Variants in RBFOX1 observed in about 807,000 individuals in gnomAD.
RBFOX1 encodes RNA binding protein fox-1 homolog 1.
RBFOX1 carries 8 observed loss-of-function variants against 57.7 expected under a neutral mutation model. The observed-to-expected ratio is 0.14, with a 90% CI of 0.08 to 0.25. RBFOX1 has a LOEUF of 0.25. Among genes scored for constraint, RBFOX1 ranks in the 10% least tolerant of loss-of-function variants. The pLI, the probability that RBFOX1 is intolerant of heterozygous loss-of-function variation, is 1.00. For missense variants in RBFOX1, 611 were observed against 548.5 expected, an observed-to-expected ratio of 1.11 and a Z score of -1.14; for synonymous variants, 326 against 222.4, an observed-to-expected ratio of 1.47 and a Z score of -4.15.
chr16:5,896,617 C>A (rs1229039907), intron 4 of RBFOX1, among the ~76,000 whole-genome samples: 1 of 152,146 alleles, frequency 6.6e-6, no homozygotes, highest in Non-Finnish European at 1.5e-5. Context: ...TATACATTAC[C>A]CAGCCTCAGG....
intron 4 of RBFOX1, among the ~76,000 whole-genome samples, chr16:7,120,830 T>TATACACACACACACACACACAC (rs1226442313): frequency 3.6e-4 from 31 of 86,594 alleles, no homozygotes; most frequent in East Asian, 1.6e-3. Context: ...TATGTATATA[T>TATACACACACACACACACACAC]ACACACACAC....
chr16:6,401,541 A>T (rs1397655691), intron 2 of RBFOX1, among the ~76,000 whole-genome samples: 1 of 152,140 alleles, frequency 6.6e-6, no homozygotes, highest in African/African-American at 2.4e-5. Flanking sequence ...ACTTTGGATC[A>T]TTAGGGGACA....
rs570781798 is a variant in RBFOX1 at position 7,036,816 on chromosome 16, G to T, written c.-15-15241G>T. ...TTAAGAAAGTAGGGGAATAAGAATG[G>T]CTAGTTCATAGACAGAGTGGATGAA... On this transcript the variant is annotated intron_variant, in intron 3 of 15. Transcript: ENST00000550418. Among the ~76,000 whole-genome samples the T allele has an allele frequency of 2.7e-4, 41 of 152,272 alleles. No individual in the cohort carries two copies. The South Asian group carries it at 4.8e-3, about 18-fold the overall frequency.
chr16:6,210,378 AGAG>A (rs1465395352), intron 1 of RBFOX1, among the ~76,000 whole-genome samples: 3,061 of 77,618 alleles, frequency 0.039, 77 homozygotes, highest in Non-Finnish European at 0.074. Flanking sequence ...AAAAAAAAAA[AGAG>A]AAAGGAAGGA....
intron 3 of RBFOX1, among the ~76,000 whole-genome samples, chr16:6,923,389 C>G (rs1001991042): frequency 6.6e-6 from 1 of 152,030 alleles, no homozygotes; most frequent in African/African-American, 2.4e-5. Flanking sequence ...CACAAATTAG[C>G]AGGCATGGTG....
At chr16:6,857,874 T>G (rs1326858845) in intron 3 of RBFOX1, among the ~76,000 whole-genome samples, 2 of 152,230 alleles carry the variant, frequency 1.3e-5, no homozygotes, top group Non-Finnish European at 2.9e-5. Context: ...TTTAGCAACC[T>G]GTCAAATCCT....
chr16:5,972,624 A>C (rs2059985764), intron 4 of RBFOX1, among the ~76,000 whole-genome samples: 1 of 152,222 alleles, frequency 6.6e-6, no homozygotes, highest in African/African-American at 2.4e-5. Context: ...CAATCAGGGA[A>C]GGTTCAGGCA....
chr16:7,001,423 TGTATATGTATA>T (rs2092791864), intron 3 of RBFOX1, among the ~76,000 whole-genome samples: 1 of 150,572 alleles, frequency 6.6e-6, no homozygotes, highest in Non-Finnish European at 1.5e-5. Flanking sequence ...TATATGTATA[TGTATATGTATA>T]TGTATATGTA....
At chr16:6,765,673 A>G (rs972670772) in intron 3 of RBFOX1, among the ~76,000 whole-genome samples, 33 of 152,336 alleles carry the variant, frequency 2.2e-4, no homozygotes, top group African/African-American at 7.9e-4. Flanking sequence ...CAGAGGAAAG[A>G]TGCCTGCTTG....
At chr16:5,395,099 G>A (rs1231427077) in intron 1 of RBFOX1, among the ~76,000 whole-genome samples, 1 of 152,168 alleles carries the variant, frequency 6.6e-6, no homozygotes, top group East Asian at 1.9e-4. Context: ...TGCCAAGCAT[G>A]GTTCGTTTTC....
At chr16:7,089,597 G>T (rs1320740798) in intron 4 of RBFOX1, among the ~76,000 whole-genome samples, 2 of 152,142 alleles carry the variant, frequency 1.3e-5, no homozygotes, top group South Asian at 2.1e-4. Context: ...GAGTTGTTAA[G>T]TAGTGTCTGT....
downstream of RBFOX1, among the ~76,000 whole-genome samples, chr16:5,604,087 A>G (rs1243935580): frequency 1.3e-5 from 2 of 152,204 alleles, no homozygotes; most frequent in African/African-American, 2.4e-5. Flanking sequence ...TCTATAGCCA[A>G]GGCAGTAAGC....
At chr16:7,464,169 C>G (rs921598384) in intron 4 of RBFOX1, among the ~76,000 whole-genome samples, 1 of 152,118 alleles carries the variant, frequency 6.6e-6, no homozygotes, top group African/African-American at 2.4e-5. Flanking sequence ...ACATTATTCA[C>G]CCATTACAGA....
At chr16:7,591,731 G>A (rs988698249) in intron 7 of RBFOX1, among the ~76,000 whole-genome samples, 1 of 152,150 alleles carries the variant, frequency 6.6e-6, no homozygotes, top group East Asian at 1.9e-4. Context: ...TTACACATCA[G>A]CATCACACCC....
At chr16:6,034,521 A>G (rs1428389022) in intron 1 of RBFOX1, among the ~76,000 whole-genome samples, 1 of 151,962 alleles carries the variant, frequency 6.6e-6, no homozygotes, top group Non-Finnish European at 1.5e-5. Context: ...GGTGGAAGGT[A>G]GAAGTGCTGA....
intron 3 of RBFOX1, among the ~76,000 whole-genome samples, chr16:6,981,809 A>T (rs2088960286): frequency 6.6e-6 from 1 of 152,204 alleles, no homozygotes; most frequent in African/African-American, 2.4e-5. Flanking sequence ...CTACCAGTCA[A>T]GATGAGATTG....
chr16:6,940,189 C>T (rs1282095011), intron 3 of RBFOX1, among the ~76,000 whole-genome samples: 1 of 147,844 alleles, frequency 6.8e-6, no homozygotes, highest in African/African-American at 2.4e-5. Context: ...GAGACTCCAT[C>T]TCAAAAATAA....
At chr16:5,495,385 C>T (rs2042969326) in intron 2 of RBFOX1, among the ~76,000 whole-genome samples, 1 of 152,162 alleles carries the variant, frequency 6.6e-6, no homozygotes, top group Non-Finnish European at 1.5e-5. Flanking sequence ...AACCAGATCT[C>T]GGGAGAACTT....
At chr16:7,532,403 G>C (rs2080329858) in intron 5 of RBFOX1, among the ~76,000 whole-genome samples, 1 of 152,192 alleles carries the variant, frequency 6.6e-6, no homozygotes, top group Non-Finnish European at 1.5e-5. Context: ...GACGAGGGGA[G>C]ATAGGGTATA....
Sources: gnomAD v4.1 joint callset for allele counts (sites outside exome capture counted in the v4.1 genomes callset) on GRCh38, gnomAD v4.1.1 for gene constraint, MANE v1.5 for transcripts, NCBI Gene and HGNC (gene_info 2026-07-23, HGNC 2026-07-21) for gene names.